SH2D4A: variants seen among roughly 807,000 people sequenced by gnomAD.
SH2D4A encodes SH2 domain-containing protein 4A.
A neutral mutation model predicts 64.7 loss-of-function variants in SH2D4A; 70 were observed. That is an observed-to-expected ratio of 1.08 (90% CI 0.89 to 1.32). SH2D4A has a LOEUF of 1.32. Ranked by LOEUF, SH2D4A falls within the 40% of genes most tolerant of loss-of-function variation. The probability of loss-of-function intolerance (pLI) is 0.00; values close to 1 mark genes in which losing one functional copy is unlikely to be tolerated. For synonymous variants in SH2D4A, 268 were observed against 200.7 expected (o/e 1.34, Z -2.83); for missense variants, 706 against 540.1 (o/e 1.31, Z -3.04).
At chr8:19,352,830 G>A (rs530567750) in intron 4 of SH2D4A, among the ~76,000 whole-genome samples, 3 of 152,110 alleles carry the variant, frequency 2.0e-5, no homozygotes, top group Non-Finnish European at 2.9e-5. Flanking sequence ...AATATAGTGA[G>A]ACCTTGTCTC....
chr8:19,331,263 CT>C (rs1485857751), intron 2 of SH2D4A, among the ~76,000 whole-genome samples: 4 of 152,176 alleles, frequency 2.6e-5, no homozygotes, highest in Non-Finnish European at 5.9e-5. Flanking sequence ...TGGAAACCTC[CT>C]TTGACTTAGT....
intron 4 of SH2D4A, 57 bp from the exon 5 acceptor site, chr8:19,357,145 TC>T: frequency 7.5e-7 from 1 of 1,333,552 alleles, no homozygotes; most frequent in African/African-American, 1.4e-5. Flanking sequence ...TGACAGATTA[TC>T]TTATGAAACT....
chr8:19,353,989 C>A (rs2052750343), intron 4 of SH2D4A, among the ~76,000 whole-genome samples: 1 of 128,432 alleles, frequency 7.8e-6, no homozygotes, highest in Non-Finnish European at 1.6e-5. Context: ...GGTTTTTCAA[C>A]TAATTTTTTT....
chr8:19,375,161 T>C (rs1050840774), intron 8 of SH2D4A: 1 of 152,212 alleles, frequency 6.6e-6, no homozygotes, highest in African/African-American at 2.4e-5. Flanking sequence ...CTTATCAATT[T>C]ATTTTCACTT....
At position 19,393,429 on chromosome 8, in the gene SH2D4A, C is replaced by G. The variant is rs116257653; in HGVS notation, c.1160C>G (p.Ser387Trp). Reference sequence around the variant, plus strand: ...AAAGGCTATGCCCTGTCCTATCTGTCGGAGGACGGCTGTAAACATTTCCTC... The same window carrying G: ...AAAGGCTATGCCCTGTCCTATCTGTGGGAGGACGGCTGTAAACATTTCCTC... ...RIKGYALSYL[S>W]EDGCKHFLID... is the part of the protein sequence containing the mutation. Residue 387 changes from serine (S) to tryptophan (W), a missense_variant, in exon 9 of 10, where the codon TCG becomes TGG. Physicochemically the swap from Ser to Trp is radical, Grantham distance 177 (BLOSUM62 -3). Coordinates refer to ENST00000265807, the MANE Select transcript of SH2D4A (RefSeq NM_022071.4). 19 of 1,614,106 alleles carry G rather than the reference C, an allele frequency of 1.2e-5. No homozygotes were observed. Among genetic ancestry groups the G allele is most frequent in the South Asian group, 2.2e-5 (2 of 91,086 alleles).
chr8:19,316,834 C>T (rs192327189), intron 1 of SH2D4A, among the ~76,000 whole-genome samples: 1 of 152,210 alleles, frequency 6.6e-6, no homozygotes, highest in Non-Finnish European at 1.5e-5. Context: ...TGTGCTCTAT[C>T]TTCCTAATCT....
chr8:19,384,102 T>C lies in SH2D4A; in HGVS notation c.1049-9216T>C, dbSNP rs190127106. Among the ~76,000 whole-genome samples the C allele has an allele frequency of 2.3e-4, 35 of 152,296 alleles. No homozygotes were observed. The East Asian group carries it at 5.6e-3, about 24-fold the overall frequency. On this transcript the variant is annotated intron_variant, in intron 8 of 9. Coordinates refer to ENST00000265807, the MANE Select transcript of SH2D4A (RefSeq NM_022071.4). ...ACAGTGTAACTAAGCAGCACTTCAG[T>C]AAAATAGATTGTAATTACTGCAAAA...
intron 8 of SH2D4A, among the ~76,000 whole-genome samples, chr8:19,385,604 C>T (rs1452791819): frequency 6.6e-6 from 1 of 152,108 alleles, no homozygotes; most frequent in Non-Finnish European, 1.5e-5. Flanking sequence ...TTGTTGTTCC[C>T]TAGAGATGGT....
At chr8:19,377,877 T>A (rs2053223333) in intron 8 of SH2D4A, among the ~76,000 whole-genome samples, 1 of 152,162 alleles carries the variant, frequency 6.6e-6, no homozygotes, top group South Asian at 2.1e-4. Flanking sequence ...TTAGTTACAC[T>A]GCATATTGCT....
chr8:19,334,922 A>T, intron 4 of SH2D4A, 65 bp downstream of exon 4: 1 of 1,511,610 alleles, frequency 6.6e-7, no homozygotes, highest in South Asian at 1.4e-5. Context: ...TATTGAGGCC[A>T]CAGAGACTAC....
At chr8:19,357,134 T>G in intron 4 of SH2D4A, 69 bp from the exon 5 acceptor site, 1 of 1,269,494 alleles carries the variant, frequency 7.9e-7, no homozygotes, top group Non-Finnish European at 1.1e-6. Flanking sequence ...CAGGGAAACA[T>G]TGACAGATTA....
chr8:19,335,060 G>A (rs2052423820), intron 4 of SH2D4A, among the ~76,000 whole-genome samples: 1 of 152,200 alleles, frequency 6.6e-6, no homozygotes, highest in East Asian at 1.9e-4. Flanking sequence ...AAGGCGGGCG[G>A]ATCACGAGGT....
intron 6 of SH2D4A, among the ~76,000 whole-genome samples, chr8:19,361,634 G>C (rs1438746234): frequency 6.6e-6 from 1 of 151,952 alleles, no homozygotes; most frequent in Non-Finnish European, 1.5e-5. Flanking sequence ...GCTTGGGGAA[G>C]AAAAAACACC....
At chr8:19,359,283 T>G (rs1045152210) in intron 5 of SH2D4A, among the ~76,000 whole-genome samples, 2 of 152,094 alleles carry the variant, frequency 1.3e-5, no homozygotes. Context: ...ATTAAAGGAG[T>G]AGATTTATTA....
chr8:19,376,177 T>C (rs573494236), intron 8 of SH2D4A, among the ~76,000 whole-genome samples: 98 of 152,150 alleles, frequency 6.4e-4, no homozygotes, highest in Non-Finnish European at 1.0e-3. Context: ...CGGGGAGGAA[T>C]GGCTATTCCC....
intron 7 of SH2D4A, 93 bp downstream of exon 7, chr8:19,364,375 G>T: frequency 7.2e-7 from 1 of 1,392,356 alleles, no homozygotes; most frequent in Non-Finnish European, 9.9e-7. Context: ...AGCTGCCATG[G>T]GGTGTGGAGG....
chr8:19,372,844 CT>C (rs796447159), intron 7 of SH2D4A, among the ~76,000 whole-genome samples: 1,624 of 140,684 alleles, frequency 0.012, 11 homozygotes, highest in African/African-American at 0.028. Flanking sequence ...TATTTCTTTA[CT>C]TTTTTTTTTT....
At chr8:19,337,039 C>A (rs1361194523) in intron 4 of SH2D4A, among the ~76,000 whole-genome samples, 1 of 152,140 alleles carries the variant, frequency 6.6e-6, no homozygotes, top group South Asian at 2.1e-4. Flanking sequence ...GGCACTGTTG[C>A]CTTCCTTAGG....
intron 6 of SH2D4A, chr8:19,363,830 C>T: frequency 1.9e-6 from 1 of 531,566 alleles, no homozygotes. Flanking sequence ...CTTCTTCCTC[C>T]TCTTCCTTTT....
Sources: gnomAD v4.1 joint callset for allele counts (sites outside exome capture counted in the v4.1 genomes callset) on GRCh38, gnomAD v4.1.1 for gene constraint, MANE v1.5 for transcripts, NCBI Gene and HGNC (gene_info 2026-07-23, HGNC 2026-07-21) for gene names.